The following ARHGEF7 variants were observed in gnomAD, a reference collection of about 807,000 sequenced individuals.
The protein encoded by ARHGEF7 is PAK-interacting exchange factor beta.
In ARHGEF7, 33 loss-of-function variants were observed where a neutral mutation model predicts 109.8. The ratio of observed to expected loss-of-function variants is 0.30; its 90% CI spans 0.23 to 0.40. The LOEUF (loss-of-function observed/expected upper bound fraction) is 0.40, where lower values mean the gene tolerates loss of function less well. Ranked by LOEUF, ARHGEF7 falls within the 10% of genes least tolerant of loss-of-function variation. ARHGEF7 has a pLI of 1.00. For synonymous variants in ARHGEF7, 458 were observed against 424.6 expected (o/e 1.08, Z -0.97); for missense variants, 938 against 1,098.5 (o/e 0.85, Z 2.07).
intron 6 of ARHGEF7, among the ~76,000 whole-genome samples, chr13:111,240,141 A>G (rs931521111): frequency 6.6e-6 from 1 of 152,214 alleles, no homozygotes; most frequent in East Asian, 1.9e-4. Context: ...GCCCAGGTCC[A>G]CGTGGCTGCA....
In ARHGEF7 at chr13:111,275,686, T is replaced by C. The variant is rs192833594; in HGVS notation, c.1419+8T>C. On this transcript the variant is annotated splice_region_variant and intron_variant, in intron 12 of 21. Transcript: ENST00000646102. ...CAGTGTGCCGGAAGTGAGGTACTGC[T>C]GCCCACATGCACGCACCAGGGTTTC... 8.1e-6 allele frequency: 13 copies of C among 1,614,098 alleles called. No individual in the cohort carries two copies. In the Admixed American group the frequency reaches 2.2e-4, roughly 27 times the overall value.
chr13:111,265,124 CAAAAA>C (rs976877106), intron 8 of ARHGEF7, among the ~76,000 whole-genome samples: 3 of 69,462 alleles, frequency 4.3e-5, no homozygotes, highest in Non-Finnish European at 8.2e-5. Context: ...AACTCCATCT[CAAAAA>C]AAAAAAAAAA....
chr13:111,207,145 T>G (rs2081989762), intron 3 of ARHGEF7, among the ~76,000 whole-genome samples: 1 of 152,102 alleles, frequency 6.6e-6, no homozygotes, highest in African/African-American at 2.4e-5. Flanking sequence ...GCCTGCAAAC[T>G]CATATTCATC....
At chr13:111,302,840 T>G in intron 21 of ARHGEF7, 151 bp from the exon 22 acceptor site, 1 of 949,702 alleles carries the variant, frequency 1.1e-6, no homozygotes, top group Admixed American at 2.7e-5. Context: ...TGTTTGACCT[T>G]CGTGGATCCC....
chr13:111,296,063 A>G (rs1334209567), intron 19 of ARHGEF7, among the ~76,000 whole-genome samples: 1 of 152,320 alleles, frequency 6.6e-6, no homozygotes, highest in East Asian at 1.9e-4. Flanking sequence ...GTCGTCAGAT[A>G]AGGCCCCAGA....
chr13:111,244,909 A>T (rs2088513987), intron 8 of ARHGEF7, among the ~76,000 whole-genome samples: 2 of 152,348 alleles, frequency 1.3e-5, no homozygotes, highest in Non-Finnish European at 2.9e-5. Context: ...AACTCTTGGA[A>T]AGCACTTTCT....
intron 8 of ARHGEF7, among the ~76,000 whole-genome samples, chr13:111,248,502 A>T (rs1183676877): frequency 6.8e-6 from 1 of 146,126 alleles, no homozygotes; most frequent in African/African-American, 2.8e-5. Context: ...CTCCAGTTAC[A>T]CCCATGTAGA....
intron 2 of ARHGEF7, among the ~76,000 whole-genome samples, chr13:111,201,041 C>T (rs2081158654): frequency 6.6e-6 from 1 of 152,026 alleles, no homozygotes; most frequent in Non-Finnish European, 1.5e-5. Context: ...AAAACCATGC[C>T]CTTGGTCGTC....
intron 16 of ARHGEF7, 129 bp downstream of exon 16, chr13:111,283,492 G>T (rs1464097732): frequency 2.9e-6 from 4 of 1,398,352 alleles, no homozygotes; most frequent in African/African-American, 1.4e-5. Context: ...GAGAAGGGGG[G>T]GTCTGCCTTG....
chr13:111,211,391 T>G (rs776935194), intron 4 of ARHGEF7, among the ~76,000 whole-genome samples: 1 of 151,996 alleles, frequency 6.6e-6, no homozygotes, highest in African/African-American at 2.4e-5. Context: ...GGTGGCAATT[T>G]TCATCTGATT....
In ARHGEF7 at chr13:111,301,498, A is replaced by G. The variant is rs750883104; in HGVS notation, c.2432A>G (p.Tyr811Cys). The G allele has an allele frequency of 4.3e-6, 7 of 1,613,164 alleles. No homozygotes were observed. Among genetic ancestry groups the G allele is most frequent in the African/African-American group, 1.3e-5 (1 of 74,902 alleles). Residue 811 changes from tyrosine to cysteine, a missense_variant, in exon 21 of 22, where the codon TAT becomes TGT. Coordinates refer to ENST00000646102, the MANE Select transcript of ARHGEF7 (RefSeq NM_001354046.2). The stretch of plus-strand genomic sequence containing the variant: ...TTCAGGAGTCTTGTGGATACCGTAT[A>G]TGCATTAAAGGATGAAGTTCAAGAA... ...IEEKSLVDTV[Y>C]ALKDEVQELR...
chr13:111,174,373 C>T (rs911569744), intron 2 of ARHGEF7, among the ~76,000 whole-genome samples: 8 of 152,336 alleles, frequency 5.3e-5, no homozygotes, highest in East Asian at 3.9e-4. Context: ...TCATGTCTTC[C>T]GAATTCTTCA....
At chr13:111,129,335 T>G (rs2074616499) in intron 1 of ARHGEF7, among the ~76,000 whole-genome samples, 1 of 152,078 alleles carries the variant, frequency 6.6e-6, no homozygotes, top group South Asian at 2.1e-4. Context: ...AAAAACATGA[T>G]CCATAGAAGA....
At chr13:111,143,845 T>C (rs1010636801) in intron 1 of ARHGEF7, 2 of 152,240 alleles carry the variant, frequency 1.3e-5, no homozygotes, top group Non-Finnish European at 2.9e-5. Flanking sequence ...CTCACTCTCA[T>C]TCAACAATTA....
In ARHGEF7 at chr13:111,130,656, G is replaced by A. The variant is rs1038586245; in HGVS notation, c.165+14965G>A. Among the ~76,000 whole-genome samples the A allele has an allele frequency of 3.3e-5, 5 of 152,224 alleles. 1 individual carries two copies. The highest frequency in any genetic ancestry group is 3.3e-4 in the Admixed American group (5 of 15,288). On this transcript the variant is annotated intron_variant, in intron 1 of 21. Coordinates refer to ENST00000646102, the MANE Select transcript of ARHGEF7 (RefSeq NM_001354046.2). The stretch of plus-strand genomic sequence containing the variant: ...AATAGACTCGCATACTATTTAGTGG[G>A]GGAGAATAACGTGAAAAGAATTACA...
chr13:111,240,536 TTCC>T lies in ARHGEF7; in HGVS notation c.760-3319_760-3317del, dbSNP rs200010067. On this transcript the variant is annotated intron_variant, in intron 6 of 21. Coordinates refer to ENST00000646102, the MANE Select transcript of ARHGEF7 (RefSeq NM_001354046.2). The stretch of plus-strand genomic sequence containing the variant: ...TTCTGGGATTTCTTGTCAACACTCC[TTCC>T]TCCTCCTCCTCCTCCTTTCCGTGGA... 1.4e-3 allele frequency among the ~76,000 whole-genome samples: 214 copies of T among 152,210 alleles called. 1 individual carries two copies. Among genetic ancestry groups the T allele is most frequent in the African/African-American group, 4.4e-3 (182 of 41,554 alleles).
intron 8 of ARHGEF7, among the ~76,000 whole-genome samples, chr13:111,252,246 T>C (rs1409554763): frequency 6.6e-6 from 1 of 152,270 alleles, no homozygotes; most frequent in African/African-American, 2.4e-5. Flanking sequence ...TTATTGTTGA[T>C]ACTGCCTTCC....
chr13:111,152,580 A>G (rs1241338783), intron 1 of ARHGEF7, among the ~76,000 whole-genome samples: 1 of 152,218 alleles, frequency 6.6e-6, no homozygotes, highest in Non-Finnish European at 1.5e-5. Flanking sequence ...TATAATTTTA[A>G]AACACCTGAG....
At position 111,205,318 on chromosome 13, in the gene ARHGEF7, G is replaced by A. The variant is rs764911030; in HGVS notation, c.282G>A (p.Gly94=). ...ETFDANDLYQ[G]QNFNKVLSSL... is the part of the protein sequence containing the mutation. ...TTGATGCAAATGATTTGTATCAGGG[G>A]CAGAATTTTAACAAGGTCCTCAGTT... is the stretch of plus-strand genomic sequence containing the variant. Residue 94 remains glycine (G), a synonymous_variant, in exon 3 of 22, where the codon GGG becomes GGA. Coordinates refer to ENST00000646102, the MANE Select transcript of ARHGEF7 (RefSeq NM_001354046.2). The A allele has an allele frequency of 1.9e-6, 3 of 1,602,014 alleles. No individual in the cohort carries two copies. The highest frequency in any genetic ancestry group is 2.5e-6 in the Non-Finnish European group (3 of 1,177,310).
Sources: allele counts gnomAD v4.1 joint callset (sites outside exome capture counted in the v4.1 genomes callset), GRCh38; gene constraint gnomAD v4.1.1; transcripts MANE v1.5; gene names NCBI Gene and HGNC (gene_info 2026-07-23, HGNC 2026-07-21).